Variants in KCTD16 observed in about 807,000 individuals in gnomAD.
KCTD16 encodes the protein potassium channel tetramerization domain containing 16, also known as BTB/POZ domain-containing protein KCTD16.
A neutral mutation model predicts 33.2 loss-of-function variants in KCTD16; 13 were observed. The ratio of observed to expected loss-of-function variants is 0.39; its 90% CI spans 0.25 to 0.62. The LOEUF (loss-of-function observed/expected upper bound fraction) is 0.62, where lower values mean the gene tolerates loss of function less well. Among genes scored for constraint, KCTD16 ranks in the 20% least tolerant of loss-of-function variants. KCTD16 has a pLI of 0.50. For synonymous variants in KCTD16, 197 were observed against 195.3 expected, an observed-to-expected ratio of 1.01 and a Z score of -0.07; for missense variants, 441 against 525.1, an observed-to-expected ratio of 0.84 and a Z score of 1.57.
At chr5:144,282,776 A>G (rs1325434988) in intron 3 of KCTD16, among the ~76,000 whole-genome samples, 7 of 152,098 alleles carry the variant, frequency 4.6e-5, no homozygotes, top group Admixed American at 4.6e-4. Context: ...GTCTGACTTT[A>G]TGACAGAGGA....
chr5:144,394,289 A>G (rs1366277311), intron 3 of KCTD16, among the ~76,000 whole-genome samples: 1 of 152,000 alleles, frequency 6.6e-6, no homozygotes, highest in Non-Finnish European at 1.5e-5. Context: ...CATTGGATAG[A>G]TTGGTGACAT....
chr5:144,344,411 A>T lies in KCTD16; in HGVS notation c.833-129249A>T, dbSNP rs550979025. ...GCAAAAGAAACTACCATCAGAGTGA[A>T]CAGGCAACCTACAAAATGGGAGAAA... On this transcript the variant is annotated intron_variant, in intron 3 of 3. Transcript: ENST00000512467. 5.9e-4 allele frequency among the ~76,000 whole-genome samples: 85 copies of T among 144,456 alleles called. 1 individual carries two copies. Among genetic ancestry groups the T allele is most frequent in the African/African-American group, 2.2e-3 (83 of 37,028 alleles). 94.8% of individuals were successfully genotyped at this position (144,456 alleles called of 152,430 possible). A position where few individuals can be genotyped will look rare whatever the true frequency, so the allele number is the denominator to read the frequency against.
intron 2 of KCTD16, among the ~76,000 whole-genome samples, chr5:144,182,780 A>G (rs1409872139): frequency 2.0e-5 from 3 of 151,628 alleles, no homozygotes; most frequent in Non-Finnish European, 2.9e-5. Flanking sequence ...GAGAGAGAGA[A>G]AGACAGACAG....
At chr5:144,447,857 C>G (rs1035960804) in intron 3 of KCTD16, among the ~76,000 whole-genome samples, 1 of 152,030 alleles carries the variant, frequency 6.6e-6, no homozygotes, top group African/African-American at 2.4e-5. Flanking sequence ...CAACTTTGCT[C>G]TCTATTGGAA....
chr5:144,216,029 C>T (rs991904469), intron 3 of KCTD16, among the ~76,000 whole-genome samples: 14 of 152,194 alleles, frequency 9.2e-5, no homozygotes, highest in African/African-American at 3.4e-4. Flanking sequence ...CCCCCTATCC[C>T]TCACCTTGAT....
chr5:144,362,599 G>A (rs75814216), intron 3 of KCTD16, among the ~76,000 whole-genome samples: 7,391 of 152,208 alleles, frequency 0.049, 600 homozygotes, highest in African/African-American at 0.16. Flanking sequence ...ACTGGGAATA[G>A]TAATATAATT....
intron 3 of KCTD16, among the ~76,000 whole-genome samples, chr5:144,292,241 G>A (rs1755913958): frequency 6.6e-6 from 1 of 152,214 alleles, no homozygotes; most frequent in Admixed American, 6.6e-5. Context: ...CAGGGGAGTG[G>A]TATTTTGGGA....
chr5:144,341,487 C>T (rs913412683), intron 3 of KCTD16, among the ~76,000 whole-genome samples: 1 of 152,172 alleles, frequency 6.6e-6, no homozygotes, highest in African/African-American at 2.4e-5. Flanking sequence ...TTAGCAAAAA[C>T]CCTCAGATTC....
At position 144,173,944 on chromosome 5, in the gene KCTD16, G is replaced by C. The variant is rs1458854213; in HGVS notation, c.-492-363G>C. Among the ~76,000 whole-genome samples the C allele has an allele frequency of 2.0e-5, 3 of 149,714 alleles. No homozygotes were observed. The East Asian group carries it at 5.9e-4, about 29-fold the overall frequency. On this transcript the variant is annotated intron_variant, in intron 1 of 3. Coordinates refer to ENST00000512467, the MANE Select transcript of KCTD16 (RefSeq NM_020768.4). ...GCATTGCTCCCTCACTCTGGGATAGGCTCCAGAAAGTTATATTAAAGGAGA... is the reference window on the plus strand; with the variant it reads ...GCATTGCTCCCTCACTCTGGGATAGCCTCCAGAAAGTTATATTAAAGGAGA...
At chr5:144,372,858 A>G (rs1197178432) in intron 3 of KCTD16, among the ~76,000 whole-genome samples, 1 of 152,206 alleles carries the variant, frequency 6.6e-6, no homozygotes, top group Non-Finnish European at 1.5e-5. Context: ...GGAGCCTGTG[A>G]AGAGCTGTAA....
intron 3 of KCTD16, among the ~76,000 whole-genome samples, chr5:144,240,914 A>G (rs1414507011): frequency 2.0e-5 from 3 of 152,110 alleles, no homozygotes; most frequent in Admixed American, 2.0e-4. Flanking sequence ...ACATCCTTCA[A>G]TGCTCTTAGA....
At chr5:144,471,226 T>C (rs1412892970) in intron 3 of KCTD16, among the ~76,000 whole-genome samples, 1 of 152,094 alleles carries the variant, frequency 6.6e-6, no homozygotes, top group Non-Finnish European at 1.5e-5. Flanking sequence ...ACAAACACTT[T>C]TGTAGAAGAC....
chr5:144,443,716 A>G (rs538556390), intron 3 of KCTD16, among the ~76,000 whole-genome samples: 5 of 152,122 alleles, frequency 3.3e-5, no homozygotes, highest in South Asian at 2.1e-4. Context: ...TATAATTATT[A>G]TCACTATGAA....
chr5:144,308,491 A>G (rs1271929151), intron 3 of KCTD16, among the ~76,000 whole-genome samples: 1 of 152,176 alleles, frequency 6.6e-6, no homozygotes, highest in African/African-American at 2.4e-5. Flanking sequence ...TTGAATTGCT[A>G]GGACATCCAG....
chr5:144,449,147 C>T (rs1490207976), intron 3 of KCTD16, among the ~76,000 whole-genome samples: 2 of 151,882 alleles, frequency 1.3e-5, no homozygotes, highest in Non-Finnish European at 2.9e-5. Flanking sequence ...GAGAGTACTC[C>T]TCTAAGAGAG....
intron 3 of KCTD16, among the ~76,000 whole-genome samples, chr5:144,225,044 C>T (rs911042022): frequency 2.6e-5 from 4 of 152,106 alleles, no homozygotes; most frequent in Admixed American, 1.3e-4. Flanking sequence ...CCCAATTGCC[C>T]TGACCCGAAT....
At chr5:144,236,175 CAT>C (rs1754247941) in intron 3 of KCTD16, among the ~76,000 whole-genome samples, 1 of 152,112 alleles carries the variant, frequency 6.6e-6, no homozygotes, top group African/African-American at 2.4e-5. Context: ...GAGACAAAAA[CAT>C]ATACCAGTAA....
At chr5:144,177,367 G>A (rs1299365137) in intron 2 of KCTD16, among the ~76,000 whole-genome samples, 1 of 152,196 alleles carries the variant, frequency 6.6e-6, no homozygotes, top group Non-Finnish European at 1.5e-5. Flanking sequence ...GACTGGATTA[G>A]TTTCCTAGGG....
chr5:144,452,456 A>G (rs962869345), intron 3 of KCTD16, among the ~76,000 whole-genome samples: 11 of 151,948 alleles, frequency 7.2e-5, no homozygotes, highest in Admixed American at 6.6e-4. Flanking sequence ...ATTATTTTTA[A>G]TATGAGAGAG....
Sources: allele counts gnomAD v4.1 joint callset (sites outside exome capture counted in the v4.1 genomes callset), GRCh38; gene constraint gnomAD v4.1.1; transcripts MANE v1.5; gene names NCBI Gene and HGNC (gene_info 2026-07-23, HGNC 2026-07-21).